The following NCAM2 variants were observed in gnomAD, a reference collection of about 807,000 sequenced individuals.
NCAM2 encodes the protein N-CAM-2.
A neutral mutation model predicts 98.1 loss-of-function variants in NCAM2; 30 were observed. The ratio of observed to expected loss-of-function variants is 0.31; its 90% CI spans 0.23 to 0.41. The LOEUF (loss-of-function observed/expected upper bound fraction) is 0.41, where lower values mean the gene tolerates loss of function less well. Among genes scored for constraint, NCAM2 ranks in the 10% least tolerant of loss-of-function variants. The pLI is 1.00. For synonymous variants in NCAM2, 368 were observed against 342.4 expected, an observed-to-expected ratio of 1.07 and a Z score of -0.83; for missense variants, 867 against 1,005.8, an observed-to-expected ratio of 0.86 and a Z score of 1.87.
intron 1 of NCAM2, among the ~76,000 whole-genome samples, chr21:21,261,488 G>A (rs961754729): frequency 5.3e-5 from 8 of 152,034 alleles, no homozygotes; most frequent in Non-Finnish European, 8.8e-5. Flanking sequence ...TAAAAATTAT[G>A]CCAAATATTT....
chr21:21,454,197 G>T (rs1981774975), intron 12 of NCAM2, among the ~76,000 whole-genome samples: 1 of 151,942 alleles, frequency 6.6e-6, no homozygotes, highest in Admixed American at 6.6e-5. Flanking sequence ...AACAACTAAA[G>T]CCTACAGTGT....
intron 1 of NCAM2, among the ~76,000 whole-genome samples, chr21:21,267,130 T>G (rs767438054): frequency 6.6e-6 from 1 of 152,178 alleles, no homozygotes; most frequent in Non-Finnish European, 1.5e-5. Context: ...TGACCAAATT[T>G]GAAGCATACT....
intron 11 of NCAM2, among the ~76,000 whole-genome samples, chr21:21,425,520 G>A (rs1433094908): frequency 6.6e-6 from 1 of 152,014 alleles, no homozygotes; most frequent in Non-Finnish European, 1.5e-5. Context: ...ATATTTGGAG[G>A]AAATAATTTC....
At chr21:21,152,505 A>T (rs1486170594) in intron 1 of NCAM2, among the ~76,000 whole-genome samples, 1 of 151,906 alleles carries the variant, frequency 6.6e-6, no homozygotes, top group Non-Finnish European at 1.5e-5. Context: ...ATTTTCCTTT[A>T]AAGCAGATTG....
intron 1 of NCAM2, among the ~76,000 whole-genome samples, chr21:21,237,514 TA>T (rs1422903523): frequency 2.0e-5 from 3 of 152,180 alleles, no homozygotes; most frequent in Non-Finnish European, 1.5e-5. Context: ...AATGTTTCTT[TA>T]AATGATCTTT....
At chr21:21,534,211 A>G (rs1262727814) in intron 16 of NCAM2, among the ~76,000 whole-genome samples, 1 of 152,068 alleles carries the variant, frequency 6.6e-6, no homozygotes, top group Non-Finnish European at 1.5e-5. Flanking sequence ...GATGCTGTAC[A>G]TTTTATTAAC....
At chr21:21,472,988 A>G (rs192096616) in intron 14 of NCAM2, among the ~76,000 whole-genome samples, 2 of 130,972 alleles carry the variant, frequency 1.5e-5, no homozygotes, top group Non-Finnish European at 3.6e-5. Flanking sequence ...ACACACACAC[A>G]CACACGCACA....
At chr21:21,208,698 AT>A (rs1018665685) in intron 1 of NCAM2, among the ~76,000 whole-genome samples, 4 of 152,136 alleles carry the variant, frequency 2.6e-5, no homozygotes, top group African/African-American at 9.7e-5. Flanking sequence ...GAAAAAAAAA[AT>A]CTTTGACATT....
intron 16 of NCAM2, among the ~76,000 whole-genome samples, chr21:21,530,116 T>A (rs1989551821): frequency 6.9e-6 from 1 of 144,776 alleles, no homozygotes; most frequent in African/African-American, 2.5e-5. Flanking sequence ...TAATTTAATT[T>A]AATTTAATTA....
chr21:21,207,497 C>T (rs112537804), intron 1 of NCAM2, among the ~76,000 whole-genome samples: 5,703 of 151,796 alleles, frequency 0.038, 335 homozygotes, highest in African/African-American at 0.13. Context: ...CACAGAGAAA[C>T]AAAACAGGAA....
intron 1 of NCAM2, among the ~76,000 whole-genome samples, chr21:21,241,133 A>G (rs1049347200): frequency 2.6e-5 from 4 of 152,154 alleles, no homozygotes; most frequent in African/African-American, 4.8e-5. Flanking sequence ...AATTCAGCAT[A>G]CAATAGTATA....
chr21:21,025,739 A>G (rs1036162235), intron 1 of NCAM2, among the ~76,000 whole-genome samples: 6 of 152,208 alleles, frequency 3.9e-5, no homozygotes, highest in Admixed American at 3.9e-4. Flanking sequence ...TGGGCAAAGG[A>G]TATGGTATTG....
chr21:21,473,649 G>T (rs991456354), intron 14 of NCAM2, among the ~76,000 whole-genome samples: 1 of 151,538 alleles, frequency 6.6e-6, no homozygotes. Flanking sequence ...TTTTATAATT[G>T]TTCAGTTTAT....
chr21:21,264,940 TGTGTA>T (rs2072090927), intron 1 of NCAM2, among the ~76,000 whole-genome samples: 1 of 14,342 alleles, frequency 7.0e-5, no homozygotes, highest in South Asian at 2.0e-3. Context: ...TATATATGTG[TGTGTA>T]TATATATGTG....
chr21:21,533,783 G>T (rs1376204597), intron 16 of NCAM2, among the ~76,000 whole-genome samples: 1 of 150,902 alleles, frequency 6.6e-6, no homozygotes, highest in Non-Finnish European at 1.5e-5. Context: ...TTGTTCAGTT[G>T]TGAGGCATGA....
intron 1 of NCAM2, chr21:21,223,831 CAG>C (rs2070270155): frequency 6.6e-6 from 1 of 152,056 alleles, no homozygotes; most frequent in African/African-American, 2.4e-5. Context: ...ACAATATAAA[CAG>C]AGATAAAATG....
chr21:21,518,159 T>C (rs1446972081), intron 16 of NCAM2, among the ~76,000 whole-genome samples: 1 of 152,184 alleles, frequency 6.6e-6, no homozygotes, highest in Non-Finnish European at 1.5e-5. Flanking sequence ...TACAGGAGAA[T>C]CGATTCTTCC....
intron 1 of NCAM2, among the ~76,000 whole-genome samples, chr21:21,261,204 A>G (rs2071886135): frequency 6.6e-6 from 1 of 152,182 alleles, no homozygotes; most frequent in Non-Finnish European, 1.5e-5. Context: ...TTTAAAAAAT[A>G]ACAATTACTA....
chr21:21,208,982 C>G (rs1192835891), intron 1 of NCAM2, among the ~76,000 whole-genome samples: 2 of 151,570 alleles, frequency 1.3e-5, no homozygotes, highest in East Asian at 3.9e-4. Flanking sequence ...TTTTTTTAAC[C>G]TGGACTGGCA....
Sources: gnomAD v4.1 joint callset for allele counts (sites outside exome capture counted in the v4.1 genomes callset) on GRCh38, gnomAD v4.1.1 for gene constraint, MANE v1.5 for transcripts, NCBI Gene and HGNC (gene_info 2026-07-23, HGNC 2026-07-21) for gene names.